The following CFAP299 variants were observed in gnomAD, a reference collection of about 807,000 sequenced individuals.
CFAP299 encodes the protein cilia and flagella associated protein 299.
Under a neutral mutation model 27.0 loss-of-function variants are expected in CFAP299, and 21 were observed. The observed-to-expected ratio is 0.78, with a 90% CI of 0.55 to 1.12. The LOEUF is 1.12. Among genes scored for constraint, CFAP299 ranks in the 50% most tolerant of loss-of-function variants. The pLI is 0.00. For missense variants in CFAP299, 310 were observed against 276.6 expected (o/e 1.12, Z -0.86); for synonymous variants, 104 against 98.1 (o/e 1.06, Z -0.36).
At chr4:80,950,032 A>G (rs550254137) in intron 5 of CFAP299, among the ~76,000 whole-genome samples, 19 of 152,270 alleles carry the variant, frequency 1.2e-4, no homozygotes, top group African/African-American at 4.6e-4. Flanking sequence ...GATGCTTTCA[A>G]TATTGCAACT....
chr4:80,757,880 T>G (rs1418618208), intron 3 of CFAP299, among the ~76,000 whole-genome samples: 5 of 152,136 alleles, frequency 3.3e-5, no homozygotes, highest in African/African-American at 1.2e-4. Flanking sequence ...AAAACTCCAC[T>G]CACTGGAACC....
chr4:80,544,492 T>A (rs1328550526), intron 2 of CFAP299, among the ~76,000 whole-genome samples: 1 of 152,082 alleles, frequency 6.6e-6, no homozygotes, highest in East Asian at 1.9e-4. Context: ...AAATATGACA[T>A]CCTTAGGCTG....
chr4:80,523,650 A>G (rs2110177818), intron 2 of CFAP299, among the ~76,000 whole-genome samples: 1 of 152,264 alleles, frequency 6.6e-6, no homozygotes, highest in East Asian at 1.9e-4. Flanking sequence ...CTCTTTGTAT[A>G]TAAGCTAGAA....
chr4:80,580,359 G>T (rs1306297627), intron 2 of CFAP299, among the ~76,000 whole-genome samples: 1 of 151,970 alleles, frequency 6.6e-6, no homozygotes, highest in African/African-American at 2.4e-5. Flanking sequence ...AAAGACTGTT[G>T]CCCAAGTGAA....
At chr4:80,395,528 T>C (rs752882439) in intron 2 of CFAP299, among the ~76,000 whole-genome samples, 2 of 152,098 alleles carry the variant, frequency 1.3e-5, no homozygotes, top group Non-Finnish European at 1.5e-5. Flanking sequence ...GTAGCTGTAT[T>C]TGAGGTACAT....
chr4:80,578,493 C>T lies in CFAP299; in HGVS notation c.243-4600C>T, dbSNP rs145006038. ...CAAATTTATATAATACTTTTATCTT[C>T]CTCATTGAGTTTATAAGAAATGATG... On this transcript the variant is annotated intron_variant, in intron 2 of 5. Transcript: ENST00000358105. Among the ~76,000 whole-genome samples the T allele has an allele frequency of 2.0e-3, 305 of 152,240 alleles. 2 individuals are homozygous for T. The highest frequency in any genetic ancestry group is 4.6e-3 in the Admixed American group (71 of 15,276).
chr4:80,353,663 TCAAA>T (rs1723117441), intron 1 of CFAP299, among the ~76,000 whole-genome samples: 1 of 152,148 alleles, frequency 6.6e-6, no homozygotes, highest in Admixed American at 6.6e-5. Flanking sequence ...TCTGTGGAGG[TCAAA>T]CAAATTGTTG....
At chr4:80,952,006 G>A (rs1404831186) in intron 5 of CFAP299, among the ~76,000 whole-genome samples, 1 of 152,132 alleles carries the variant, frequency 6.6e-6, no homozygotes, top group East Asian at 1.9e-4. Flanking sequence ...GAGAGTGGGC[G>A]AGGGGTTGGG....
rs1247388512 is a variant in CFAP299 at position 80,344,684 on chromosome 4, A to C, written c.111+8805A>C. 3.3e-5 allele frequency among the ~76,000 whole-genome samples: 5 copies of C among 152,326 alleles called. No individual in the cohort carries two copies. In the East Asian group the frequency reaches 9.6e-4, roughly 29 times the overall value. On this transcript the variant is annotated intron_variant, in intron 1 of 5. Coordinates refer to ENST00000358105, the MANE Select transcript of CFAP299 (RefSeq NM_152770.3). ...TGATACCATAACTTGGCAGATATAC[A>C]ACAAAAAAAGAAAACTTCAGTCCAA...
At chr4:80,727,429 T>C (rs185286471) in intron 3 of CFAP299, among the ~76,000 whole-genome samples, 7 of 152,198 alleles carry the variant, frequency 4.6e-5, no homozygotes, top group Non-Finnish European at 7.4e-5. Flanking sequence ...TTGTTTTGAT[T>C]TACATGCTAT....
In CFAP299 at chr4:80,926,895, G is replaced by A. The variant is rs1736337153; in HGVS notation, c.477-17915G>A. On this transcript the variant is annotated intron_variant, in intron 4 of 5. Coordinates refer to ENST00000358105, the MANE Select transcript of CFAP299 (RefSeq NM_152770.3). ...ACCTTCAAAAGGAGATATGTCAGAT[G>A]GCAAAGACTAGCTGGTCGAACAGCT... Among the ~76,000 whole-genome samples, 4 of 152,076 alleles carry A rather than the reference G, an allele frequency of 2.6e-5. No individual in the cohort carries two copies. In the South Asian group the frequency reaches 8.3e-4, roughly 32 times the overall value.
chr4:80,947,834 T>G lies in CFAP299; in HGVS notation c.606+2895T>G, dbSNP rs188361050. 6.0e-3 allele frequency among the ~76,000 whole-genome samples: 907 copies of G among 152,280 alleles called. 2 individuals carry two copies. The highest frequency in any genetic ancestry group is 0.014 in the Middle Eastern group (4 of 294). On this transcript the variant is annotated intron_variant, in intron 5 of 5. Coordinates refer to ENST00000358105, the MANE Select transcript of CFAP299 (RefSeq NM_152770.3). ...TTTCTTCAAAGATCCAAGATCTTTT[T>G]TATTTCATGCATCCAACATAAAATT... is the stretch of plus-strand genomic sequence containing the variant.
At chr4:80,841,864 C>G (rs1250113639) in intron 3 of CFAP299, among the ~76,000 whole-genome samples, 1 of 151,960 alleles carries the variant, frequency 6.6e-6, no homozygotes, top group Non-Finnish European at 1.5e-5. Context: ...TAACCCAAGC[C>G]CTTTTCTAAA....
At chr4:80,907,569 G>C (rs2110200721) in intron 4 of CFAP299, among the ~76,000 whole-genome samples, 1 of 152,306 alleles carries the variant, frequency 6.6e-6, no homozygotes, top group African/African-American at 2.4e-5. Flanking sequence ...TACAATCATG[G>C]CAGAAGGGGA....
At chr4:80,387,219 T>A in intron 2 of CFAP299, 1 of 1,441,086 alleles carries the variant, frequency 6.9e-7, no homozygotes. Flanking sequence ...AGGTCGTACA[T>A]CGGGGGTAAG....
intron 2 of CFAP299, among the ~76,000 whole-genome samples, chr4:80,423,772 A>C (rs2110072139): frequency 6.6e-6 from 1 of 152,258 alleles, no homozygotes; most frequent in African/African-American, 2.4e-5. Context: ...TGAAATGTTC[A>C]TTATGGGTGA....
At chr4:80,373,357 C>T (rs1275015400) in intron 2 of CFAP299, among the ~76,000 whole-genome samples, 1 of 152,014 alleles carries the variant, frequency 6.6e-6, no homozygotes, top group African/African-American at 2.4e-5. Flanking sequence ...TGTGTGTACT[C>T]ATTTGAGTAA....
intron 4 of CFAP299, among the ~76,000 whole-genome samples, chr4:80,903,080 C>T (rs1315045850): frequency 6.6e-6 from 1 of 152,024 alleles, no homozygotes; most frequent in Non-Finnish European, 1.5e-5. Context: ...CTGGCAAAGA[C>T]CTAGATCTTT....
chr4:80,528,556 A>G (rs1410659950), intron 2 of CFAP299, among the ~76,000 whole-genome samples: 2 of 152,142 alleles, frequency 1.3e-5, no homozygotes, highest in African/African-American at 2.4e-5. Flanking sequence ...CTTATCTGAA[A>G]TGCCACATCT....
Sources: allele counts gnomAD v4.1 joint callset (sites outside exome capture counted in the v4.1 genomes callset), GRCh38; gene constraint gnomAD v4.1.1; transcripts MANE v1.5; gene names NCBI Gene and HGNC (gene_info 2026-07-23, HGNC 2026-07-21).